Variants in RNF6 observed in about 807,000 individuals in gnomAD.
RNF6 encodes ring finger protein 6.
In RNF6, 21 loss-of-function variants were observed where a neutral mutation model predicts 50.1. The ratio of observed to expected loss-of-function variants is 0.42; its 90% CI spans 0.30 to 0.60. The LOEUF (loss-of-function observed/expected upper bound fraction) is 0.60, where lower values mean the gene tolerates loss of function less well. RNF6 is among the 20% of genes least tolerant of loss of function. The pLI is 0.20. For missense variants in RNF6, 698 were observed against 838.2 expected, an observed-to-expected ratio of 0.83 and a Z score of 2.07; for synonymous variants, 255 against 291.8, an observed-to-expected ratio of 0.87 and a Z score of 1.29.
At chr13:26,144,066 A>G (rs1007679972) in intron 5 of RNF6, among the ~76,000 whole-genome samples, 1 of 152,172 alleles carries the variant, frequency 6.6e-6, no homozygotes, top group Non-Finnish European at 1.5e-5. Flanking sequence ...GCAGATCACC[A>G]TGAGGAATCC....
chr13:26,199,329 AC>A (rs1868803931), intron 5 of RNF6, among the ~76,000 whole-genome samples: 2 of 152,188 alleles, frequency 1.3e-5, no homozygotes, highest in Admixed American at 1.3e-4. Flanking sequence ...ATGCAGACAA[AC>A]AAAATTTACC....
At chr13:26,210,070 G>A (rs916932374), downstream of RNF6, among the ~76,000 whole-genome samples, 1 of 152,092 alleles carries the variant, frequency 6.6e-6, no homozygotes, top group Non-Finnish European at 1.5e-5. Context: ...TCTGTCTCTA[G>A]AGACTAAAGA....
chr13:26,214,675 C>A lies in RNF6; in HGVS notation c.1207G>T (p.Val403Leu), dbSNP rs181072342. Residue 403 changes from valine (V) to leucine (L), a missense_variant, in exon 5 of 5, where the codon GTG becomes TTG. Coordinates refer to ENST00000381588, the MANE Select transcript of RNF6 (RefSeq NM_005977.4). ...TTTTCTCCAGGACGGATCCTTCTCA[C>A]TTGAAGGTCCAGTGTGATTGTTGGA... ...RHPTITLDLQ[V>L]RRIRPGENRD... 3 of 1,614,122 alleles carry A rather than the reference C, an allele frequency of 1.9e-6. No homozygotes were observed. Among genetic ancestry groups the A allele is most frequent in the Non-Finnish European group, 2.5e-6 (3 of 1,180,052 alleles).
chr13:26,216,947 T>A (rs1869941889), intron 4 of RNF6, among the ~76,000 whole-genome samples: 1 of 152,180 alleles, frequency 6.6e-6, no homozygotes, highest in Admixed American at 6.5e-5. Flanking sequence ...AGAACAGGAC[T>A]CTGTCTCAAA....
At chr13:26,164,283 C>T (rs1015143876) in intron 5 of RNF6, among the ~76,000 whole-genome samples, 1 of 152,166 alleles carries the variant, frequency 6.6e-6, no homozygotes. Context: ...CACTTTGAAA[C>T]TATATGATTT....
At chr13:26,166,505 G>A (rs1872458036) in intron 5 of RNF6, among the ~76,000 whole-genome samples, 1 of 152,146 alleles carries the variant, frequency 6.6e-6, no homozygotes, top group Non-Finnish European at 1.5e-5. Context: ...TTTCAGCAAA[G>A]TTTCAGGATA....
intron 5 of RNF6, among the ~76,000 whole-genome samples, chr13:26,201,978 G>A (rs1375067404): frequency 6.6e-6 from 1 of 152,130 alleles, no homozygotes; most frequent in Non-Finnish European, 1.5e-5. Context: ...TACTTATGAA[G>A]GTGTGTGGTT....
At chr13:26,135,099 G>A (rs757683761) in intron 5 of RNF6, among the ~76,000 whole-genome samples, 1 of 152,040 alleles carries the variant, frequency 6.6e-6, no homozygotes, top group Non-Finnish European at 1.5e-5. Context: ...AAGTTAATTG[G>A]AAAACCATCT....
intron 5 of RNF6, among the ~76,000 whole-genome samples, chr13:26,165,249 T>C (rs1209336534): frequency 6.6e-6 from 1 of 152,166 alleles, no homozygotes; most frequent in Non-Finnish European, 1.5e-5. Flanking sequence ...AGCCTGCCAG[T>C]GCACCGAAGT....
intron 5 of RNF6, among the ~76,000 whole-genome samples, chr13:26,150,234 G>C (rs1402740562): frequency 6.6e-6 from 1 of 151,930 alleles, no homozygotes; most frequent in Non-Finnish European, 1.5e-5. Flanking sequence ...TAAAGCTTCT[G>C]ATCAAGTTTT....
chr13:26,211,713 G>T (rs74417622), downstream of RNF6, among the ~76,000 whole-genome samples: 9,122 of 151,864 alleles, frequency 0.06, 930 homozygotes, highest in African/African-American at 0.21. Flanking sequence ...AGCCGAGATA[G>T]TGCCACTGCA....
intron 5 of RNF6, among the ~76,000 whole-genome samples, chr13:26,178,385 G>A (rs1248732476): frequency 6.6e-6 from 1 of 151,644 alleles, no homozygotes; most frequent in Non-Finnish European, 1.5e-5. Flanking sequence ...TCTCTCTGGG[G>A]CCTCTTTTAT....
At chr13:26,134,363 A>G (rs544148731) in intron 5 of RNF6, among the ~76,000 whole-genome samples, 15 of 152,222 alleles carry the variant, frequency 9.9e-5, no homozygotes, top group Non-Finnish European at 1.9e-4. Context: ...CTTTGCCGGC[A>G]TGGGTGAGCG....
chr13:26,161,975 C>T lies in RNF6; in HGVS notation n.769-29524G>A, dbSNP rs1008259120. Among the ~76,000 whole-genome samples, 4 of 152,244 alleles carry T rather than the reference C, an allele frequency of 2.6e-5. No individual in the cohort carries two copies. In the Middle Eastern group the frequency reaches 0.01, roughly 388 times the overall value. On this transcript the variant is annotated intron_variant and non_coding_transcript_variant, in intron 5 of 5. Transcript: ENST00000468480. The stretch of plus-strand genomic sequence containing the variant: ...CTTTCATATACTGAGCAATTTAAAC[C>T]TTTTGTCTAAACATTACCTATCTAG...
At chr13:26,188,650 T>TTTTTTTTTTTTTTG (rs1379759603) in intron 5 of RNF6, among the ~76,000 whole-genome samples, 1 of 137,938 alleles carries the variant, frequency 7.2e-6, no homozygotes, top group Admixed American at 7.3e-5. Context: ...TTTTTTTTTT[T>TTTTTTTTTTTTTTG]TTTGAGATGA....
At chr13:26,151,612 T>C (rs556604042) in intron 5 of RNF6, among the ~76,000 whole-genome samples, 296 of 41,652 alleles carry the variant, frequency 7.1e-3, no homozygotes, top group Non-Finnish European at 0.014. Flanking sequence ...CTCCTTTTTT[T>C]CTTTTTTTCT....
intron 5 of RNF6, among the ~76,000 whole-genome samples, chr13:26,203,525 C>T (rs1431340324): frequency 1.3e-5 from 2 of 152,238 alleles, no homozygotes; most frequent in African/African-American, 4.8e-5. Context: ...AGTTGTCACA[C>T]CTTTGGGTGT....
intron 5 of RNF6, among the ~76,000 whole-genome samples, chr13:26,149,844 A>T (rs1179580641): frequency 6.8e-6 from 1 of 146,222 alleles, no homozygotes; most frequent in African/African-American, 2.5e-5. Flanking sequence ...AAACACACAT[A>T]CACAGTGTAT....
downstream of RNF6, among the ~76,000 whole-genome samples, chr13:26,211,004 A>C (rs1328654763): frequency 6.6e-6 from 1 of 152,256 alleles, no homozygotes; most frequent in Non-Finnish European, 1.5e-5. Flanking sequence ...TACGGACCTG[A>C]CATGGAACAT....
Sources: allele counts gnomAD v4.1 joint callset (sites outside exome capture counted in the v4.1 genomes callset), GRCh38; gene constraint gnomAD v4.1.1; transcripts MANE v1.5; gene names NCBI Gene and HGNC (gene_info 2026-07-23, HGNC 2026-07-21).